Variants in FOXK1 observed in about 807,000 individuals in gnomAD.
FOXK1 encodes forkhead box protein K1.
In FOXK1, 19 loss-of-function variants were observed where a neutral mutation model predicts 51.9. The ratio of observed to expected loss-of-function variants is 0.37; its 90% CI spans 0.26 to 0.54. FOXK1 has a LOEUF of 0.54. FOXK1 is among the 20% of genes least tolerant of loss of function. FOXK1 has a pLI of 0.87. For synonymous variants in FOXK1, 537 were observed against 482.6 expected, an observed-to-expected ratio of 1.11 and a Z score of -1.48; for missense variants, 870 against 1,032.7, an observed-to-expected ratio of 0.84 and a Z score of 2.16.
At position 4,715,866 on chromosome 7, in the gene FOXK1, G is replaced by T. The variant is rs1340548183; in HGVS notation, c.561-24972G>T. Among the ~76,000 whole-genome samples the T allele has an allele frequency of 2.0e-5, 3 of 152,182 alleles. No individual in the cohort carries two copies. The highest frequency in any genetic ancestry group is 4.4e-5 in the Non-Finnish European group (3 of 68,038). ...TCACAAGACAATCCTTCCAGCCACT[G>T]GTCACAGGATGGCCGTTGCTGAACT... On this transcript the variant is annotated intron_variant, in intron 1 of 8. Transcript: ENST00000328914. The surrounding 1 kb of genome is among the most constrained non-coding windows in gnomAD (Gnocchi z 4.5).
chr7:4,720,170 G>C (rs1049169425), intron 1 of FOXK1, among the ~76,000 whole-genome samples: 6 of 152,158 alleles, frequency 3.9e-5, no homozygotes, highest in African/African-American at 1.4e-4. Flanking sequence ...TCAGAAGCCT[G>C]GTTGAGTTTC....
At chr7:4,744,798 T>C (rs1349522212) in intron 2 of FOXK1, among the ~76,000 whole-genome samples, 1 of 152,246 alleles carries the variant, frequency 6.6e-6, no homozygotes, top group Non-Finnish European at 1.5e-5. Context: ...CGCCCAGTCC[T>C]GTTCTTTGAA....
intron 1 of FOXK1, among the ~76,000 whole-genome samples, chr7:4,716,128 G>A (rs1375665121): frequency 6.6e-6 from 1 of 152,014 alleles, no homozygotes; most frequent in Non-Finnish European, 1.5e-5. Flanking sequence ...GGCTGAGGCA[G>A]GAGAATTGCT....
rs1180271403 is a variant in FOXK1 at position 4,765,996 on chromosome 7, C to T, written c.*3532C>T. On this transcript the variant is annotated 3_prime_UTR_variant, in exon 9 of 9. Coordinates refer to ENST00000328914, the MANE Select transcript of FOXK1 (RefSeq NM_001037165.2). ...CCACGGAGCCGCGGGGCCAGAGGAG[C>T]TCAGGGAGACCTGGCTGTCTAGGGC... The T allele has an allele frequency of 6.6e-6, 1 of 152,276 alleles. No individual in the cohort carries two copies. The highest frequency in any genetic ancestry group is 1.5e-5 in the Non-Finnish European group (1 of 68,088). 9.4% of individuals were successfully genotyped at this position (152,276 alleles called of 1,614,324 possible). A position where few individuals can be genotyped will look rare whatever the true frequency, so the allele number is the denominator to read the frequency against.
Position 4,711,031 on chromosome 7 carries a change from G to C in FOXK1, c.560+28163G>C, listed in dbSNP as rs372056783. On this transcript the variant is annotated intron_variant, in intron 1 of 8. Coordinates refer to ENST00000328914, the MANE Select transcript of FOXK1 (RefSeq NM_001037165.2). The surrounding 1 kb of genome is among the most constrained non-coding windows in gnomAD (Gnocchi z 6.3). ...CTGAGCTTCACGGAGTTGCAGAGCA[G>C]CCTGGCTTTAGAGAACGCTTAGAGA... Among the ~76,000 whole-genome samples the C allele has an allele frequency of 6.6e-6, 1 of 152,226 alleles. No homozygotes were observed. The highest frequency in any genetic ancestry group is 2.1e-4 in the South Asian group (1 of 4,828).
In FOXK1 at chr7:4,733,549, T is replaced by C. The variant is rs1377321109; in HGVS notation, c.561-7289T>C. 6.6e-6 allele frequency among the ~76,000 whole-genome samples: 1 copy of C among 152,152 alleles called. No homozygotes were observed. Among genetic ancestry groups the C allele is most frequent in the Admixed American group, 6.5e-5 (1 of 15,276 alleles). On this transcript the variant is annotated intron_variant, in intron 1 of 8. Transcript: ENST00000328914. This position sits in a 1 kb window ranked among gnomAD's most constrained non-coding sequence, Gnocchi z 5.0. ...TTGTATCCCATTGACCAGCTCATAG[T>C]CTCATGGTTGCAAGAGGGGCAGAGA...
Position 4,730,296 on chromosome 7 carries a change from C to T in FOXK1, c.561-10542C>T, listed in dbSNP as rs1321223508. On this transcript the variant is annotated intron_variant, in intron 1 of 8. Coordinates refer to ENST00000328914, the MANE Select transcript of FOXK1 (RefSeq NM_001037165.2). The surrounding 1 kb of genome is among the most constrained non-coding windows in gnomAD (Gnocchi z 4.7). ...CACTGCGAGAACGGAGGGCCCAGAG[C>T]CGAGTACACTCGGCCAGGGTGAGTG... is the stretch of plus-strand genomic sequence containing the variant. 6.6e-6 allele frequency among the ~76,000 whole-genome samples: 1 copy of T among 152,222 alleles called. No individual in the cohort carries two copies. The highest frequency in any genetic ancestry group is 1.5e-5 in the Non-Finnish European group (1 of 68,042).
At position 4,707,050 on chromosome 7, in the gene FOXK1, T is replaced by C. The variant is rs1184038925; in HGVS notation, c.560+24182T>C. ...GCATTTTCTTCTTAAAATAAAAGAC[T>C]AAAAACTAACGGTTGCTTCCTGCCT... On this transcript the variant is annotated intron_variant, in intron 1 of 8. Coordinates refer to ENST00000328914, the MANE Select transcript of FOXK1 (RefSeq NM_001037165.2). The surrounding 1 kb of genome is among the most constrained non-coding windows in gnomAD (Gnocchi z 4.1). 6.6e-6 allele frequency among the ~76,000 whole-genome samples: 1 copy of C among 152,230 alleles called. No individual in the cohort carries two copies. Among genetic ancestry groups the C allele is most frequent in the African/African-American group, 2.4e-5 (1 of 41,458 alleles).
chr7:4,683,311 C>T lies in FOXK1; in HGVS notation c.560+443C>T, dbSNP rs1018521015. ...CAGATCCCTGCTGCTCCCCAGCTCC[C>T]ATCGGCCTGGACTCCGGGGTCATTC... On this transcript the variant is annotated intron_variant, in intron 1 of 8. Transcript: ENST00000328914. The surrounding 1 kb of genome is among the most constrained non-coding windows in gnomAD (Gnocchi z 4.5). Among the ~76,000 whole-genome samples the T allele has an allele frequency of 6.7e-5, 10 of 149,462 alleles. No individual in the cohort carries two copies. The highest frequency in any genetic ancestry group is 2.2e-4 in the African/African-American group (9 of 40,504).
chr7:4,698,941 G>C (rs1779985556), intron 1 of FOXK1, among the ~76,000 whole-genome samples: 1 of 152,162 alleles, frequency 6.6e-6, no homozygotes, highest in Admixed American at 6.5e-5. Flanking sequence ...ACCCACCTCG[G>C]CCTCTCAAAG....
chr7:4,742,966 G>A (rs1011676597), intron 2 of FOXK1, among the ~76,000 whole-genome samples: 9 of 152,316 alleles, frequency 5.9e-5, no homozygotes, highest in South Asian at 2.1e-4. Context: ...GCGGAAAGGA[G>A]AGGCCCCGGG....
At chr7:4,695,663 G>A (rs974801866) in intron 1 of FOXK1, among the ~76,000 whole-genome samples, 4 of 152,188 alleles carry the variant, frequency 2.6e-5, no homozygotes, top group Non-Finnish European at 1.5e-5. Flanking sequence ...TTAGCCAGGC[G>A]TGGTGGCTCA....
intron 7 of FOXK1, 88 bp downstream of exon 7, chr7:4,759,683 C>A (rs1188673069): frequency 2.1e-6 from 3 of 1,416,142 alleles, no homozygotes; most frequent in Non-Finnish European, 2.8e-6. Flanking sequence ...TTGGCCTGGG[C>A]CTGGGGCTTG....
In FOXK1 at chr7:4,682,679, C is replaced by T. The variant is rs1179762265; in HGVS notation, c.371C>T (p.Thr124Ile). The T allele has an allele frequency of 1.3e-6, 2 of 1,598,178 alleles. No individual in the cohort carries two copies. Among genetic ancestry groups the T allele is most frequent in the South Asian group, 1.1e-5 (1 of 89,456 alleles). The stretch of plus-strand genomic sequence containing the variant: ...TTCCTCATGCGCCAGCCCAGCGTCA[C>T]CATCGGCCGCAACTCGTCGCAGGGC... ...FEFLMRQPSV[T>I]IGRNSSQGSV... Residue 124 changes from threonine (T) to isoleucine (I), a missense_variant, in exon 1 of 9, where the codon ACC (threonine) becomes ATC (isoleucine). This residue lies in a region of FOXK1 where 399 missense variants were observed against 475.6 expected (regional missense o/e 0.84). Transcript: ENST00000328914. This position sits in a 1 kb window ranked among gnomAD's most constrained non-coding sequence, Gnocchi z 7.6.
chr7:4,754,296 C>T (rs771627676), intron 2 of FOXK1, among the ~76,000 whole-genome samples, 163 bp from the exon 3 acceptor site: 3 of 152,228 alleles, frequency 2.0e-5, no homozygotes, highest in Non-Finnish European at 4.4e-5. Flanking sequence ...ATCTTGTCCC[C>T]GCCGCTGCGT....
At chr7:4,754,384 G>A in intron 2 of FOXK1, 75 bp from the exon 3 acceptor site, 1 of 1,533,462 alleles carries the variant, frequency 6.5e-7, no homozygotes, top group South Asian at 1.2e-5. Flanking sequence ...CCTCTGGGTA[G>A]GTCCTGAAGC....
chr7:4,712,775 C>A (rs1315674936), intron 1 of FOXK1, among the ~76,000 whole-genome samples: 1 of 152,184 alleles, frequency 6.6e-6, no homozygotes, highest in Non-Finnish European at 1.5e-5. Flanking sequence ...GTGTTCAAAT[C>A]CGTTTATGAT....
In FOXK1 at chr7:4,707,129, G is replaced by A. The variant is rs1385127719; in HGVS notation, c.560+24261G>A. On this transcript the variant is annotated intron_variant, in intron 1 of 8. Coordinates refer to ENST00000328914, the MANE Select transcript of FOXK1 (RefSeq NM_001037165.2). The surrounding 1 kb of genome is among the most constrained non-coding windows in gnomAD (Gnocchi z 4.1). ...AGAGAAGCAGCGATGTCTCCCCTCC[G>A]GGTTTCCCATGATGTTACGTTGCCC... Among the ~76,000 whole-genome samples the A allele has an allele frequency of 1.3e-5, 2 of 152,304 alleles. No homozygotes were observed. Among genetic ancestry groups the A allele is most frequent in the South Asian group, 2.1e-4 (1 of 4,830 alleles).
In FOXK1 at chr7:4,747,165, C is replaced by T. The variant is rs780349610; in HGVS notation, c.746+6142C>T. 1.8e-4 allele frequency among the ~76,000 whole-genome samples: 27 copies of T among 152,222 alleles called. No homozygotes were observed. The highest frequency in any genetic ancestry group is 2.2e-4 in the Non-Finnish European group (15 of 68,040). On this transcript the variant is annotated intron_variant, in intron 2 of 8. Transcript: ENST00000328914. The surrounding 1 kb of genome is among the most constrained non-coding windows in gnomAD (Gnocchi z 9.2). ...TTCCTGTAATCTCGGAGGGTCCTAG[C>T]GCCCGACTTCTCAGGTCAGCCTCGG...
Sources: allele counts gnomAD v4.1 joint callset (sites outside exome capture counted in the v4.1 genomes callset), GRCh38; gene constraint gnomAD v4.1.1; regional missense constraint gnomAD v4.1.1; non-coding constraint Gnocchi (gnomAD v3.1); transcripts MANE v1.5; gene names NCBI Gene and HGNC (gene_info 2026-07-23, HGNC 2026-07-21).